Variants in TMEM132C observed in about 807,000 individuals in gnomAD.
TMEM132C encodes transmembrane protein 132C.
A neutral mutation model predicts 61.4 loss-of-function variants in TMEM132C; 29 were observed. The ratio of observed to expected loss-of-function variants is 0.47; its 90% CI spans 0.35 to 0.64. The LOEUF (loss-of-function observed/expected upper bound fraction) is 0.64, where lower values mean the gene tolerates loss of function less well. Among genes scored for constraint, TMEM132C ranks in the 30% least tolerant of loss-of-function variants. TMEM132C has a pLI of 0.00. For missense variants in TMEM132C, 1,408 were observed against 1,476.9 expected, an observed-to-expected ratio of 0.95 and a Z score of 0.76; for synonymous variants, 656 against 633.1, an observed-to-expected ratio of 1.04 and a Z score of -0.54.
chr12:128,579,517 G>A (rs1427626255), intron 3 of TMEM132C, among the ~76,000 whole-genome samples: 2 of 152,220 alleles, frequency 1.3e-5, no homozygotes, highest in African/African-American at 4.8e-5. Context: ...GGAAGATAAT[G>A]CAATTTATAT....
intron 1 of TMEM132C, among the ~76,000 whole-genome samples, chr12:128,321,982 A>G (rs1872349840): frequency 6.6e-6 from 1 of 152,320 alleles, no homozygotes; most frequent in African/African-American, 2.4e-5. Context: ...GCCAGAATGT[A>G]TCTCCCCAGA....
At chr12:128,572,596 C>T (rs1052173574) in intron 3 of TMEM132C, among the ~76,000 whole-genome samples, 1 of 151,212 alleles carries the variant, frequency 6.6e-6, no homozygotes, top group African/African-American at 2.4e-5. Flanking sequence ...ACCTGTGTCA[C>T]ATGCCCAGAC....
At chr12:128,285,526 G>A (rs1372452249) in intron 1 of TMEM132C, among the ~76,000 whole-genome samples, 1 of 152,170 alleles carries the variant, frequency 6.6e-6, no homozygotes, top group Admixed American at 6.5e-5. Context: ...GTAGGCAGCA[G>A]AGGAACTTTT....
At chr12:128,632,425 G>A (rs1169628481) in intron 4 of TMEM132C, among the ~76,000 whole-genome samples, 4 of 152,160 alleles carry the variant, frequency 2.6e-5, no homozygotes, top group African/African-American at 9.7e-5. Flanking sequence ...TTACTACAAA[G>A]GAGCTAGTTG....
At chr12:128,530,931 G>T (rs1873273609) in intron 2 of TMEM132C, among the ~76,000 whole-genome samples, 1 of 152,196 alleles carries the variant, frequency 6.6e-6, no homozygotes, top group Non-Finnish European at 1.5e-5. Context: ...TAATGGCTGT[G>T]TTTGACAGCT....
chr12:128,464,872 G>A (rs2136074158), intron 2 of TMEM132C, among the ~76,000 whole-genome samples: 1 of 152,074 alleles, frequency 6.6e-6, no homozygotes, highest in South Asian at 2.1e-4. Flanking sequence ...CTGCAAGGCT[G>A]TGTGAGCATT....
chr12:128,575,103 G>T (rs1011009507), intron 3 of TMEM132C, among the ~76,000 whole-genome samples: 1 of 152,178 alleles, frequency 6.6e-6, no homozygotes, highest in Non-Finnish European at 1.5e-5. Flanking sequence ...TCGGCAGTAG[G>T]ATTATGGAAT....
intron 1 of TMEM132C, among the ~76,000 whole-genome samples, chr12:128,291,410 C>G (rs984237629): frequency 1.3e-5 from 2 of 152,220 alleles, no homozygotes; most frequent in African/African-American, 4.8e-5. Context: ...GCCCTTTTCC[C>G]CTGGATGGGC....
At chr12:128,469,229 A>G (rs1016704961) in intron 2 of TMEM132C, among the ~76,000 whole-genome samples, 2 of 152,154 alleles carry the variant, frequency 1.3e-5, no homozygotes, top group East Asian at 3.8e-4. Flanking sequence ...CATTTAAAGC[A>G]GGGTTTCTCA....
intron 1 of TMEM132C, among the ~76,000 whole-genome samples, chr12:128,367,491 AC>A (rs2135978122): frequency 6.6e-6 from 1 of 152,330 alleles, no homozygotes; most frequent in African/African-American, 2.4e-5. Flanking sequence ...TGCATAGTCA[AC>A]AGTCCCATCT....
At chr12:128,665,407 A>G (rs976113533) in intron 4 of TMEM132C, among the ~76,000 whole-genome samples, 5 of 151,400 alleles carry the variant, frequency 3.3e-5, no homozygotes, top group African/African-American at 9.7e-5. Flanking sequence ...ACTCACACAT[A>G]CACAAATACA....
At chr12:128,547,040 G>A (rs369698342) in intron 3 of TMEM132C, among the ~76,000 whole-genome samples, 67 of 152,314 alleles carry the variant, frequency 4.4e-4, no homozygotes, top group Admixed American at 1.9e-3. Flanking sequence ...GGGGAATGGC[G>A]TTCCTTCCCA....
intron 4 of TMEM132C, among the ~76,000 whole-genome samples, chr12:128,643,069 C>T (rs1954169507): frequency 6.6e-6 from 1 of 152,178 alleles, no homozygotes; most frequent in Admixed American, 6.5e-5. Flanking sequence ...GCCAGAAAAA[C>T]CATGGCGTCG....
intron 1 of TMEM132C, among the ~76,000 whole-genome samples, chr12:128,388,666 A>G (rs1363458590): frequency 1.5e-4 from 23 of 152,222 alleles, no homozygotes; most frequent in Admixed American, 1.4e-3. Flanking sequence ...AGGCCCTGCC[A>G]TCACCTTGCT....
chr12:128,363,193 T>C lies in TMEM132C; in HGVS notation c.86-51539T>C, dbSNP rs374783031. On this transcript the variant is annotated intron_variant, in intron 1 of 8. Transcript: ENST00000435159. The stretch of plus-strand genomic sequence containing the variant: ...CAATTTTTTCACTCTATTCTAAAAA[T>C]GAGCACATGGTTTTAATTAAAACTT... Among the ~76,000 whole-genome samples, 55 of 152,348 alleles carry C rather than the reference T, an allele frequency of 3.6e-4. 2 individuals carry two copies. The South Asian group carries it at 0.011, about 29-fold the overall frequency.
intron 4 of TMEM132C, among the ~76,000 whole-genome samples, chr12:128,637,476 T>G (rs2135597203): frequency 6.6e-6 from 1 of 152,374 alleles, no homozygotes; most frequent in South Asian, 2.1e-4. Context: ...CTGCAGAAGC[T>G]GAGAGACCAG....
At chr12:128,681,858 C>G (rs1257853728) in intron 5 of TMEM132C, among the ~76,000 whole-genome samples, 1 of 115,316 alleles carries the variant, frequency 8.7e-6, no homozygotes, top group Non-Finnish European at 1.7e-5. Context: ...TTAGTAGAGA[C>G]AGGGTTTCAC....
chr12:128,360,153 A>C (rs538322770), intron 1 of TMEM132C, among the ~76,000 whole-genome samples: 3 of 152,192 alleles, frequency 2.0e-5, no homozygotes, highest in Non-Finnish European at 4.4e-5. Flanking sequence ...TTGCTCTTGC[A>C]GCTCTGTCAT....
At chr12:128,533,954 C>CACAG (rs1555230419) in intron 2 of TMEM132C, among the ~76,000 whole-genome samples, 1 of 118,102 alleles carries the variant, frequency 8.5e-6, no homozygotes, top group Non-Finnish European at 1.7e-5. Context: ...CACATACACA[C>CACAG]ACACACACAC....
Sources: allele counts gnomAD v4.1 joint callset (sites outside exome capture counted in the v4.1 genomes callset), GRCh38; gene constraint gnomAD v4.1.1; transcripts MANE v1.5; gene names NCBI Gene and HGNC (gene_info 2026-07-23, HGNC 2026-07-21).